The following TNFAIP8 variants were observed in gnomAD, a reference collection of about 807,000 sequenced individuals.
The protein encoded by TNFAIP8 is tumor necrosis factor alpha-induced protein 8.
In TNFAIP8, 7 loss-of-function variants were observed where a neutral mutation model predicts 13.3. The ratio of observed to expected loss-of-function variants is 0.52; its 90% CI spans 0.30 to 0.99. TNFAIP8 has a LOEUF of 0.99. Among genes scored for constraint, TNFAIP8 ranks in the 50% least tolerant of loss-of-function variants. The pLI is 0.07. For missense variants in TNFAIP8, 258 were observed against 236.9 expected, an observed-to-expected ratio of 1.09 and a Z score of -0.58; for synonymous variants, 94 against 87.6, an observed-to-expected ratio of 1.07 and a Z score of -0.41.
At chr5:119,376,720 T>TGATAAGCAG (rs1752296776) in intron 1 of TNFAIP8, among the ~76,000 whole-genome samples, 1 of 152,148 alleles carries the variant, frequency 6.6e-6, no homozygotes, top group Admixed American at 6.5e-5. Flanking sequence ...AACAAAAGTA[T>TGATAAGCAG]GATAAGCAGT....
intron 1 of TNFAIP8, among the ~76,000 whole-genome samples, chr5:119,307,555 G>A (rs1749603634): frequency 6.6e-6 from 1 of 152,166 alleles, no homozygotes; most frequent in Non-Finnish European, 1.5e-5. Context: ...ATATAGTTAA[G>A]CATCTCTATG....
chr5:119,355,667 C>G (rs1428626355), upstream of TNFAIP8: 2 of 387,432 alleles, frequency 5.2e-6, no homozygotes, highest in Non-Finnish European at 9.1e-6. Context: ...ACAGTGTGCT[C>G]TGAGATGAGA....
At chr5:119,340,517 C>T (rs1294113642) in intron 1 of TNFAIP8, among the ~76,000 whole-genome samples, 1 of 152,206 alleles carries the variant, frequency 6.6e-6, no homozygotes, top group Non-Finnish European at 1.5e-5. Context: ...AGATACTCAC[C>T]ATATCAACTT....
At chr5:119,277,085 A>G (rs1748476884) in intron 1 of TNFAIP8, among the ~76,000 whole-genome samples, 1 of 152,248 alleles carries the variant, frequency 6.6e-6, no homozygotes, top group African/African-American at 2.4e-5. Context: ...TTATATAAAA[A>G]TGATCTTTCT....
chr5:119,278,679 C>G (rs1748540061), intron 1 of TNFAIP8, among the ~76,000 whole-genome samples: 1 of 152,012 alleles, frequency 6.6e-6, no homozygotes, highest in Non-Finnish European at 1.5e-5. Flanking sequence ...CCCTGGGCTC[C>G]CATTCCCTAA....
At chr5:119,309,509 T>TC (rs777238025) in intron 1 of TNFAIP8, among the ~76,000 whole-genome samples, 172 of 152,248 alleles carry the variant, frequency 1.1e-3, no homozygotes, top group Non-Finnish European at 1.8e-3. Flanking sequence ...CAAAAGGGAT[T>TC]CCCTTTCAAC....
intron 1 of TNFAIP8, among the ~76,000 whole-genome samples, chr5:119,295,181 CGTTTAGTCTAACGTTAGACCT>C (rs1749130305): frequency 9.2e-5 from 4 of 43,688 alleles, no homozygotes; most frequent in African/African-American, 2.7e-4. Flanking sequence ...TTAGGTCTAA[CGTTTAGTCTAACGTTAGACCT>C]ATAGGTCTAA....
intron 1 of TNFAIP8, among the ~76,000 whole-genome samples, chr5:119,314,260 A>G (rs981419938): frequency 2.6e-5 from 4 of 152,240 alleles, no homozygotes; most frequent in Admixed American, 1.3e-4. Context: ...CACATGGGAC[A>G]GGGTCTGGCC....
chr5:119,381,955 G>A (rs1042506734), intron 1 of TNFAIP8, among the ~76,000 whole-genome samples: 13 of 151,950 alleles, frequency 8.6e-5, no homozygotes, highest in African/African-American at 3.1e-4. Flanking sequence ...AACAAAAAAC[G>A]GAGTACCTTT....
In TNFAIP8 at chr5:119,393,460, A is replaced by AT. The variant is rs1752980282; in HGVS notation, c.*83dup. ...CTGATTTATGAAGGAAAAAAGAAGA[A>AT]TTTTCTAAAGATTACACATATTTCA... is the stretch of plus-strand genomic sequence containing the variant. On this transcript the variant is annotated 3_prime_UTR_variant, in exon 2 of 2. Transcript: ENST00000504771. 10 of 1,322,052 alleles carry AT rather than the reference A, an allele frequency of 7.6e-6. No individual in the cohort carries two copies. The South Asian group carries it at 1.4e-4, about 19-fold the overall frequency. 81.9% of individuals were successfully genotyped at this position (1,322,052 alleles called of 1,614,324 possible).
intron 1 of TNFAIP8, among the ~76,000 whole-genome samples, chr5:119,298,066 C>A (rs1165817574): frequency 5.3e-5 from 8 of 152,162 alleles, no homozygotes; most frequent in Non-Finnish European, 1.2e-4. Context: ...ATCCAATTTG[C>A]CAGTCTGTGT....
intron 1 of TNFAIP8, among the ~76,000 whole-genome samples, chr5:119,371,259 A>G (rs991304206): frequency 1.1e-4 from 17 of 152,194 alleles, no homozygotes; most frequent in African/African-American, 3.1e-4. Flanking sequence ...GTATGTTTCA[A>G]GGAAATAAAG....
intron 1 of TNFAIP8, among the ~76,000 whole-genome samples, chr5:119,378,126 C>T (rs902249415): frequency 6.6e-6 from 1 of 152,182 alleles, no homozygotes; most frequent in Non-Finnish European, 1.5e-5. Flanking sequence ...ACCACTAATC[C>T]TAAAGTACAA....
At chr5:119,316,244 C>CT (rs1368223274) in intron 1 of TNFAIP8, 1 of 150,762 alleles carries the variant, frequency 6.6e-6, no homozygotes, top group Admixed American at 6.6e-5. Context: ...ACTGCAGCCT[C>CT]TAACTCCTGG....
At chr5:119,300,558 T>TA (rs1749356001) in intron 1 of TNFAIP8, among the ~76,000 whole-genome samples, 1 of 152,238 alleles carries the variant, frequency 6.6e-6, no homozygotes, top group Admixed American at 6.5e-5. Context: ...GAGTGATAGT[T>TA]ACCATTTTTT....
intron 1 of TNFAIP8, among the ~76,000 whole-genome samples, chr5:119,323,519 A>T (rs1243215975): frequency 6.6e-6 from 1 of 152,192 alleles, no homozygotes; most frequent in African/African-American, 2.4e-5. Context: ...TTTTAATTGT[A>T]TGTCCTCACA....
chr5:119,365,761 C>A (rs1423965736), intron 1 of TNFAIP8, among the ~76,000 whole-genome samples: 1 of 152,140 alleles, frequency 6.6e-6, no homozygotes. Context: ...TATGAAATAT[C>A]TAGAATGAAA....
chr5:119,339,052 C>CA (rs11366242), intron 1 of TNFAIP8, among the ~76,000 whole-genome samples: 15,609 of 146,562 alleles, frequency 0.11, 984 homozygotes, highest in African/African-American at 0.19. Flanking sequence ...TCTCTTAAAA[C>CA]AAAAAAAAAA....
At chr5:119,355,540 C>T (rs891877211), upstream of TNFAIP8, 6 of 580,278 alleles carry the variant, frequency 1.0e-5, no homozygotes, top group Non-Finnish European at 9.2e-6. Flanking sequence ...GCTTTAAAAT[C>T]CGTAATTTTT....
Sources: allele counts gnomAD v4.1 joint callset (sites outside exome capture counted in the v4.1 genomes callset), GRCh38; gene constraint gnomAD v4.1.1; transcripts MANE v1.5; gene names NCBI Gene and HGNC (gene_info 2026-07-23, HGNC 2026-07-21).